The following DNM1L variants were observed in gnomAD, a reference collection of about 807,000 sequenced individuals.
The protein encoded by DNM1L is dynamin-1-like protein.
A neutral mutation model predicts 92.8 loss-of-function variants in DNM1L; 33 were observed. The ratio of observed to expected loss-of-function variants is 0.36; its 90% CI spans 0.27 to 0.48. The LOEUF (loss-of-function observed/expected upper bound fraction) is 0.48. Ranked by LOEUF, DNM1L falls within the 20% of genes least tolerant of loss-of-function variation. The probability of loss-of-function intolerance (pLI) is 0.99; values close to 1 mark genes in which losing one functional copy is unlikely to be tolerated. For synonymous variants in DNM1L, 284 were observed against 305.0 expected, an observed-to-expected ratio of 0.93 and a Z score of 0.72; for missense variants, 485 against 888.8, an observed-to-expected ratio of 0.55 and a Z score of 5.78.
Position 32,679,438 on chromosome 12 carries a change from G to T in DNM1L, c.75G>T (p.Leu25=). ...FNTVGADIIQ[L]PQIVVVGTQS... Reference sequence around the variant, plus strand: ...CGGTGGGCGCCGACATCATCCAGCTGCCTCAAATCGTCGTAGTGGGAACGC... The same window carrying T: ...CGGTGGGCGCCGACATCATCCAGCTTCCTCAAATCGTCGTAGTGGGAACGC... Residue 25 remains leucine (L), a synonymous_variant, in exon 1 of 20, where the codon CTG becomes CTT. Coordinates refer to ENST00000549701, the MANE Select transcript of DNM1L (RefSeq NM_012062.5). 6.2e-7 allele frequency: 1 copy of T among 1,613,326 alleles called. No individual in the cohort carries two copies. The highest frequency in any genetic ancestry group is 1.1e-5 in the South Asian group (1 of 91,082).
At chr12:32,699,666 C>T (rs902082516) in intron 1 of DNM1L, among the ~76,000 whole-genome samples, 4 of 151,836 alleles carry the variant, frequency 2.6e-5, no homozygotes, top group African/African-American at 4.8e-5. Context: ...TGGTGTCACA[C>T]GCCTGTAATC....
chr12:32,695,923 G>T (rs546131001), intron 1 of DNM1L, among the ~76,000 whole-genome samples: 1 of 152,140 alleles, frequency 6.6e-6, no homozygotes, highest in African/African-American at 2.4e-5. Flanking sequence ...AAAATAAAGA[G>T]ATGTAAAAAG....
intron 6 of DNM1L, among the ~76,000 whole-genome samples, chr12:32,717,260 A>T (rs1254568289): frequency 2.0e-5 from 2 of 102,024 alleles, no homozygotes; most frequent in Non-Finnish European, 3.6e-5. Context: ...TATATATAGT[A>T]TATATATACT....
Position 32,732,664 on chromosome 12 carries a change from T to C in DNM1L, c.1446+721T>C, listed in dbSNP as rs1954627234. The stretch of plus-strand genomic sequence containing the variant: ...AGCAAGGATAGCCCTCAGATTCTGA[T>C]GTCTAAGACTGAATTTAGCCCAGAA... On this transcript the variant is annotated intron_variant, in intron 12 of 19. Transcript: ENST00000549701. The C allele has an allele frequency of 6.8e-6, 3 of 441,744 alleles. No homozygotes were observed. The Admixed American group carries it at 7.7e-5, about 11-fold the overall frequency. The allele number at this position is 441,744 out of a possible 1,614,324, so 27.4% of individuals were successfully genotyped here. A position where few individuals can be genotyped will look rare whatever the true frequency, so the allele number is the denominator to read the frequency against.
intron 19 of DNM1L, 85 bp from the exon 20 acceptor site, chr12:32,743,269 T>C: frequency 8.3e-7 from 1 of 1,198,724 alleles, no homozygotes; most frequent in Admixed American, 1.9e-5. Flanking sequence ...CTACCACATA[T>C]ATATTGGAAA....
intron 1 of DNM1L, among the ~76,000 whole-genome samples, chr12:32,686,928 C>CT (rs1432118973): frequency 4.7e-4 from 57 of 121,568 alleles, no homozygotes; most frequent in African/African-American, 1.0e-3. Flanking sequence ...TGTAAGAGTT[C>CT]TTTTTTTTCT....
chr12:32,739,835 G>A (rs1955157365), intron 16 of DNM1L: 2 of 542,072 alleles, frequency 3.7e-6, no homozygotes, highest in Admixed American at 3.1e-5. Context: ...TAGAACATAA[G>A]TTGGTTGATG....
intron 1 of DNM1L, among the ~76,000 whole-genome samples, chr12:32,695,863 A>G (rs907004143): frequency 6.6e-6 from 1 of 152,236 alleles, no homozygotes; most frequent in Non-Finnish European, 1.5e-5. Flanking sequence ...AAGTAAACGT[A>G]ACAGATAATA....
intron 19 of DNM1L, 103 bp from the exon 20 acceptor site, chr12:32,743,251 T>C: frequency 9.7e-7 from 1 of 1,031,830 alleles, no homozygotes; most frequent in Non-Finnish European, 1.5e-6. Flanking sequence ...AACTGGTTAG[T>C]TATAAACCTA....
intron 9 of DNM1L, among the ~76,000 whole-genome samples, chr12:32,724,653 A>AAT (rs201795619): frequency 7.0e-6 from 1 of 142,724 alleles, no homozygotes; most frequent in East Asian, 2.0e-4. Context: ...TTAAATATTT[A>AAT]ATATATATAT....
chr12:32,723,989 T>C (rs934528162), intron 9 of DNM1L, among the ~76,000 whole-genome samples: 6 of 152,174 alleles, frequency 3.9e-5, no homozygotes, highest in African/African-American at 7.2e-5. Context: ...TTCAATGTAA[T>C]TTTGTTAAGA....
At chr12:32,733,895 TA>T in intron 13 of DNM1L, 88 bp downstream of exon 13, 1 of 1,149,074 alleles carries the variant, frequency 8.7e-7, no homozygotes, top group Non-Finnish European at 1.3e-6. Flanking sequence ...GGAGTAACTA[TA>T]AAATAGACAT....
chr12:32,722,409 C>T lies in DNM1L; in HGVS notation c.873-18C>T. The stretch of plus-strand genomic sequence containing the variant: ...ACACAATTTTACTTTTAAATCCTTC[C>T]TTTCTAACCTTTTTTAGGTTACTGA... On this transcript the variant is annotated intron_variant, in intron 8 of 19. Transcript: ENST00000549701. 6.2e-7 allele frequency: 1 copy of T among 1,606,726 alleles called. No individual in the cohort carries two copies. The highest frequency in any genetic ancestry group is 8.5e-7 in the Non-Finnish European group (1 of 1,176,186).
rs79220524 is a variant in DNM1L at position 32,691,703 on chromosome 12, G to A, written c.103-9712G>A. ...AAGGCAGATCAAAAACATATGTTAC[G>A]GAATTTATTAGAGATAAGAGATTGA... is the stretch of plus-strand genomic sequence containing the variant. On this transcript the variant is annotated intron_variant, in intron 1 of 19. Transcript: ENST00000549701. Among the ~76,000 whole-genome samples, 340 of 152,096 alleles carry A rather than the reference G, an allele frequency of 2.2e-3. 4 individuals are homozygous for A. Among genetic ancestry groups the A allele is most frequent in the Middle Eastern group, 0.02 (6 of 294 alleles).
At chr12:32,736,998 G>C in intron 13 of DNM1L, 107 bp from the exon 14 acceptor site, 1 of 1,008,128 alleles carries the variant, frequency 9.9e-7, no homozygotes, top group Non-Finnish European at 1.5e-6. Context: ...ACAGTGAGAG[G>C]ATGTATCTGT....
intron 1 of DNM1L, among the ~76,000 whole-genome samples, chr12:32,684,477 C>CTTTTTTT (rs768276200): frequency 6.8e-6 from 1 of 146,094 alleles, no homozygotes; most frequent in African/African-American, 2.5e-5. Flanking sequence ...CAACATAATT[C>CTTTTTTT]TTTTTTTTTT....
At chr12:32,697,038 G>A (rs1482348878) in intron 1 of DNM1L, among the ~76,000 whole-genome samples, 1 of 149,968 alleles carries the variant, frequency 6.7e-6, no homozygotes, top group Non-Finnish European at 1.5e-5. Flanking sequence ...AGACCAGCCT[G>A]GCCAACACGG....
chr12:32,705,522 T>C (rs907500026), intron 2 of DNM1L: 1 of 281,700 alleles, frequency 3.5e-6, no homozygotes, highest in Non-Finnish European at 6.5e-6. Context: ...TAACTAATTA[T>C]ATTGGAAAGG....
At chr12:32,699,269 A>C (rs1001657168) in intron 1 of DNM1L, among the ~76,000 whole-genome samples, 2 of 152,186 alleles carry the variant, frequency 1.3e-5, no homozygotes, top group Non-Finnish European at 2.9e-5. Context: ...ATTCACTGTT[A>C]CCGTTCTTGC....
Sources: allele counts gnomAD v4.1 joint callset (sites outside exome capture counted in the v4.1 genomes callset), GRCh38; gene constraint gnomAD v4.1.1; transcripts MANE v1.5; gene names NCBI Gene and HGNC (gene_info 2026-07-23, HGNC 2026-07-21).